Variants in UBE2B observed in about 807,000 individuals in gnomAD.
UBE2B encodes the protein ubiquitin conjugating enzyme E2 B, also known as ubiquitin-conjugating enzyme E2 B.
Under a neutral mutation model 24.6 loss-of-function variants are expected in UBE2B, and 11 were observed. The ratio of observed to expected loss-of-function variants is 0.45; its 90% CI spans 0.28 to 0.74. The LOEUF is 0.74. Among genes scored for constraint, UBE2B ranks in the 30% least tolerant of loss-of-function variants. The pLI is 0.13. For missense variants in UBE2B, 78 were observed against 185.6 expected (o/e 0.42, Z 3.37); for synonymous variants, 68 against 62.4 (o/e 1.09, Z -0.42).
At chr5:134,372,985 A>G (rs1381774006) in intron 1 of UBE2B, among the ~76,000 whole-genome samples, 2 of 152,168 alleles carry the variant, frequency 1.3e-5, no homozygotes, top group Non-Finnish European at 2.9e-5. Context: ...AGTTCATGTC[A>G]TTGTCGCCCT....
At chr5:134,375,329 G>T (rs1007957037) in intron 2 of UBE2B, among the ~76,000 whole-genome samples, 7 of 152,190 alleles carry the variant, frequency 4.6e-5, no homozygotes, top group Non-Finnish European at 8.8e-5. Flanking sequence ...TTTTTCTTTG[G>T]TTTTTCTAGA....
intron 4 of UBE2B, among the ~76,000 whole-genome samples, chr5:134,383,088 C>G (rs1029202154): frequency 6.6e-6 from 1 of 152,056 alleles, no homozygotes; most frequent in Non-Finnish European, 1.5e-5. Context: ...TTGCTTGAAC[C>G]CGGGAGGCGG....
chr5:134,378,798 G>A (rs971634844), intron 3 of UBE2B, among the ~76,000 whole-genome samples: 1 of 151,782 alleles, frequency 6.6e-6, no homozygotes, highest in African/African-American at 2.4e-5. Flanking sequence ...GTGTGGTGGC[G>A]GGCACCTGTA....
chr5:134,376,321 T>A (rs1758602010), intron 2 of UBE2B, among the ~76,000 whole-genome samples: 1 of 1,572 alleles, frequency 6.4e-4, no homozygotes, highest in African/African-American at 1.9e-3. Flanking sequence ...AAACTCCGTC[T>A]CAAAAAAAAA....
chr5:134,371,784 G>A, intron 1 of UBE2B, 145 bp downstream of exon 1: 1 of 1,251,166 alleles, frequency 8.0e-7, no homozygotes, highest in Non-Finnish European at 1.1e-6. Flanking sequence ...TCCTAGCCTC[G>A]GCCCTACTCC....
intron 5 of UBE2B, among the ~76,000 whole-genome samples, chr5:134,388,769 C>T (rs185304360): frequency 2.8e-4 from 43 of 152,184 alleles, no homozygotes; most frequent in African/African-American, 1.0e-3. Context: ...GAAAGGAAAA[C>T]TAATGTAACC....
In UBE2B at chr5:134,390,475, T is replaced by C. The variant is rs946327683; in HGVS notation, c.*122T>C. On this transcript the variant is annotated 3_prime_UTR_variant, in exon 6 of 6. Coordinates refer to ENST00000265339, the MANE Select transcript of UBE2B (RefSeq NM_003337.4). The surrounding 1 kb of genome is among the most constrained non-coding windows in gnomAD (Gnocchi z 4.6). ...ATTCTGCAGAAAAAAAAGAAAAAAG[T>C]CCTTCAGTTTAGAACCTACAAAAGC... 1.3e-5 allele frequency: 16 copies of C among 1,257,836 alleles called. No individual in the cohort carries two copies. Among genetic ancestry groups the C allele is most frequent in the Non-Finnish European group, 1.7e-5 (15 of 899,872 alleles). 77.9% of individuals were successfully genotyped at this position (1,257,836 alleles called of 1,614,324 possible).
At chr5:134,374,576 T>A in intron 2 of UBE2B, 113 bp downstream of exon 2, 1 of 1,164,940 alleles carries the variant, frequency 8.6e-7, no homozygotes, top group Non-Finnish European at 1.2e-6. Flanking sequence ...TCTTAAGGAC[T>A]AAAACTGCAA....
At chr5:134,378,680 ATGACTT>A (rs1758650788) in intron 3 of UBE2B, among the ~76,000 whole-genome samples, 1 of 98,106 alleles carries the variant, frequency 1.0e-5, no homozygotes, top group Non-Finnish European at 3.0e-5. Context: ...TGCAATTTGA[ATGACTT>A]TTTTTCATGG....
At chr5:134,384,279 G>C (rs1023932845) in intron 4 of UBE2B, among the ~76,000 whole-genome samples, 1 of 152,150 alleles carries the variant, frequency 6.6e-6, no homozygotes, top group Non-Finnish European at 1.5e-5. Flanking sequence ...CTGGAATCAA[G>C]GTGACTTTCC....
chr5:134,390,045 A>G lies in UBE2B; in HGVS notation c.331-180A>G. 1 of 677,102 alleles carries G rather than the reference A, an allele frequency of 1.5e-6. No homozygotes were observed. Among genetic ancestry groups the G allele is most frequent in the Non-Finnish European group, 2.5e-6 (1 of 405,746 alleles). 41.9% of individuals were successfully genotyped at this position (677,102 alleles called of 1,614,324 possible). A position where few individuals can be genotyped will look rare whatever the true frequency, so the allele number is the denominator to read the frequency against. On this transcript the variant is annotated intron_variant, in intron 5 of 5. Transcript: ENST00000265339. This position sits in a 1 kb window ranked among gnomAD's most constrained non-coding sequence, Gnocchi z 4.6. ...GAAGCTTAAGTTCCTTAGCAGCAGGAAACCCCATAGTATTTATCAAATCAT... is the reference window on the plus strand; with the variant it reads ...GAAGCTTAAGTTCCTTAGCAGCAGGGAACCCCATAGTATTTATCAAATCAT...
rs1179609036 is a variant in UBE2B at position 134,391,899 on chromosome 5, G to C, written c.*1546G>C. 6.6e-6 allele frequency: 1 copy of C among 152,236 alleles called. No homozygotes were observed. The highest frequency in any genetic ancestry group is 2.4e-5 in the African/African-American group (1 of 41,454). The allele number at this position is 152,236 out of a possible 1,614,324, so 9.4% of individuals were successfully genotyped here. A position where few individuals can be genotyped will look rare whatever the true frequency, so the allele number is the denominator to read the frequency against. On this transcript the variant is annotated 3_prime_UTR_variant, in exon 6 of 6. Transcript: ENST00000265339. ...CAGAATAGCTTATGCCTAGGAGGTT[G>C]AGGCTGCAGTGAGCTGTGATTATGC...
chr5:134,389,898 C>T (rs1045431620), intron 5 of UBE2B: 20 of 350,038 alleles, frequency 5.7e-5, no homozygotes, highest in African/African-American at 4.1e-4. Flanking sequence ...CCAGGCTGGG[C>T]TTGAACTGCT....
intron 4 of UBE2B, among the ~76,000 whole-genome samples, chr5:134,382,862 C>T (rs1758731763): frequency 6.6e-6 from 1 of 151,712 alleles, no homozygotes; most frequent in Non-Finnish European, 1.5e-5. Flanking sequence ...ATACTGTGAA[C>T]ATTTTCCTTA....
At chr5:134,380,138 T>C (rs1380791677) in intron 3 of UBE2B, among the ~76,000 whole-genome samples, 1 of 152,214 alleles carries the variant, frequency 6.6e-6, no homozygotes, top group African/African-American at 2.4e-5. Context: ...TCTCAACTCC[T>C]GACCTCAGGT....
intron 3 of UBE2B, among the ~76,000 whole-genome samples, chr5:134,379,169 T>C (rs1758659087): frequency 6.6e-6 from 1 of 152,130 alleles, no homozygotes; most frequent in Non-Finnish European, 1.5e-5. Context: ...TGAATAATAA[T>C]ACAAAACCAT....
chr5:134,375,747 C>T (rs577828806), intron 2 of UBE2B, among the ~76,000 whole-genome samples: 1 of 142,606 alleles, frequency 7.0e-6, no homozygotes, highest in East Asian at 2.0e-4. Context: ...CTGCAGTGAG[C>T]CGAGATTGCG....
intron 4 of UBE2B, among the ~76,000 whole-genome samples, chr5:134,383,167 AAAAT>A (rs1758738499): frequency 6.6e-6 from 1 of 152,196 alleles, no homozygotes; most frequent in Non-Finnish European, 1.5e-5. Flanking sequence ...CCATCTCAAA[AAAAT>A]AAATATTCTG....
chr5:134,386,583 G>A (rs1193231611), intron 4 of UBE2B, among the ~76,000 whole-genome samples: 1 of 151,282 alleles, frequency 6.6e-6, no homozygotes, highest in African/African-American at 2.4e-5. Flanking sequence ...AGTGAGTTGA[G>A]ATTGCACCAT....
Sources: gnomAD v4.1 joint callset for allele counts (sites outside exome capture counted in the v4.1 genomes callset) on GRCh38, gnomAD v4.1.1 for gene constraint, Gnocchi (gnomAD v3.1) non-coding constraint, MANE v1.5 for transcripts, NCBI Gene and HGNC (gene_info 2026-07-23, HGNC 2026-07-21) for gene names.